Variants in FREM2 observed in about 807,000 individuals in gnomAD.
FREM2 encodes the protein FRAS1 related extracellular matrix 2, also known as FRAS1-related extracellular matrix protein 2.
FREM2 carries 119 observed loss-of-function variants against 219.9 expected under a neutral mutation model. The observed-to-expected ratio is 0.54, with a 90% confidence interval of 0.47 to 0.63. The LOEUF (loss-of-function observed/expected upper bound fraction) is 0.63. Among genes scored for constraint, FREM2 ranks in the 30% least tolerant of loss-of-function variants. FREM2 has a pLI of 0.00. For missense variants in FREM2, 4,030 were observed against 3,993.6 expected, an observed-to-expected ratio of 1.01 and a Z score of -0.25; for synonymous variants, 1,562 against 1,522.8, an observed-to-expected ratio of 1.03 and a Z score of -0.60.
intron 6 of FREM2, among the ~76,000 whole-genome samples, chr13:38,786,070 A>G (rs1874316753): frequency 6.6e-6 from 1 of 152,216 alleles, no homozygotes; most frequent in African/African-American, 2.4e-5. Context: ...GGGAATTATC[A>G]ACATCCTTGT....
At chr13:38,768,341 A>G (rs1873523266) in intron 3 of FREM2, among the ~76,000 whole-genome samples, 1 of 152,122 alleles carries the variant, frequency 6.6e-6, no homozygotes, top group African/African-American at 2.4e-5. Context: ...GCACAGTGGC[A>G]TAATCACAAC....
At chr13:38,830,610 T>C (rs1876469243) in intron 6 of FREM2, among the ~76,000 whole-genome samples, 2 of 152,100 alleles carry the variant, frequency 1.3e-5, no homozygotes, top group South Asian at 4.1e-4. Context: ...TGCAAGAACT[T>C]GCAAAACCTG....
Position 38,784,706 on chromosome 13 carries a change from G to T in FREM2, c.5917G>T (p.Glu1973Ter), listed in dbSNP as rs747561441. The T allele has an allele frequency of 6.2e-7, 1 of 1,614,162 alleles. No individual in the cohort carries two copies. Among genetic ancestry groups the T allele is most frequent in the Non-Finnish European group, 8.5e-7 (1 of 1,180,006 alleles). Residue 1973 changes from glutamate to a stop codon, truncating the protein, a stop_gained, in exon 6 of 24, where the codon GAG becomes TAG. Coordinates refer to ENST00000280481, the MANE Select transcript of FREM2 (RefSeq NM_207361.6). LOFTEE classifies it high-confidence loss of function. ...CATAATTGATGACTCTTTGTACGAG[G>T]AGGAGGAAACCTTCCATGTCCTTCT... ...IVIIDDSLYE[E>*]EETFHVLLSM...
chr13:38,788,445 A>G (rs1874421326), intron 6 of FREM2, among the ~76,000 whole-genome samples: 1 of 152,148 alleles, frequency 6.6e-6, no homozygotes, highest in Admixed American at 6.6e-5. Flanking sequence ...TGAGTCTTTC[A>G]GAGACCACCT....
chr13:38,784,532 T>C (rs1874246608), intron 5 of FREM2, 25 bp from the exon 6 acceptor site: 1 of 1,613,364 alleles, frequency 6.2e-7, no homozygotes, highest in Admixed American at 1.7e-5. Context: ...TACATAAAAA[T>C]CTTTTGAATT....
intron 2 of FREM2, among the ~76,000 whole-genome samples, chr13:38,717,081 G>T (rs1301980979): frequency 6.6e-6 from 1 of 152,184 alleles, no homozygotes; most frequent in African/African-American, 2.4e-5. Context: ...TGAGTGAGCT[G>T]TCATGTGATA....
intron 15 of FREM2, among the ~76,000 whole-genome samples, chr13:38,861,854 A>G (rs1025047073): frequency 2.0e-5 from 3 of 152,270 alleles, no homozygotes; most frequent in Non-Finnish European, 4.4e-5. Flanking sequence ...TGCATCTTCA[A>G]TCGTAAACTT....
At chr13:38,750,891 G>T (rs2496392) in intron 2 of FREM2, among the ~76,000 whole-genome samples, 4 of 152,110 alleles carry the variant, frequency 2.6e-5, no homozygotes, top group African/African-American at 9.6e-5. Flanking sequence ...ATGGGATTTT[G>T]CCATATTGGC....
rs1007552184 is a variant in FREM2 at position 38,884,619 on chromosome 13, A to G, written c.*3832A>G. On this transcript the variant is annotated 3_prime_UTR_variant, in exon 24 of 24. Transcript: ENST00000280481. ...CATTCTTTGAAACTCATGTTTCTAG[A>G]CATGACAGCAGTAATAAAAGGATGA... 3 of 152,228 alleles carry G rather than the reference A, an allele frequency of 2.0e-5. No individual in the cohort carries two copies. The South Asian group carries it at 6.2e-4, about 32-fold the overall frequency. 9.4% of individuals were successfully genotyped at this position (152,228 alleles called of 1,614,324 possible).
intron 2 of FREM2, among the ~76,000 whole-genome samples, chr13:38,738,744 G>T (rs1470358674): frequency 1.3e-5 from 2 of 152,040 alleles, no homozygotes; most frequent in Non-Finnish European, 2.9e-5. Flanking sequence ...TATGAGACCA[G>T]CCTATCTCTG....
intron 6 of FREM2, among the ~76,000 whole-genome samples, chr13:38,800,431 A>T (rs921759086): frequency 6.6e-6 from 1 of 152,038 alleles, no homozygotes; most frequent in Non-Finnish European, 1.5e-5. Context: ...TGTTGGTCTG[A>T]TGGGAGTTCC....
At chr13:38,835,563 C>A (rs1876676014) in intron 6 of FREM2, among the ~76,000 whole-genome samples, 2 of 152,206 alleles carry the variant, frequency 1.3e-5, no homozygotes, top group Admixed American at 1.3e-4. Context: ...GATATTGATT[C>A]TTCCTATCCA....
chr13:38,830,257 A>C (rs896005895), intron 6 of FREM2, among the ~76,000 whole-genome samples: 21 of 152,184 alleles, frequency 1.4e-4, no homozygotes, highest in African/African-American at 5.1e-4. Flanking sequence ...AATATCCTTC[A>C]AAATTAAAAA....
intron 4 of FREM2, among the ~76,000 whole-genome samples, chr13:38,776,610 T>C (rs1209677020): frequency 6.6e-6 from 1 of 152,192 alleles, no homozygotes; most frequent in African/African-American, 2.4e-5. Context: ...CACTTTACTC[T>C]TTCTTTCAAA....
At chr13:38,717,351 C>T (rs187382453) in intron 2 of FREM2, among the ~76,000 whole-genome samples, 4 of 149,036 alleles carry the variant, frequency 2.7e-5, no homozygotes, top group African/African-American at 2.5e-5. Flanking sequence ...CCAAGATATG[C>T]AGTAAAGGTT....
chr13:38,751,526 C>A (rs1024649426), intron 2 of FREM2, among the ~76,000 whole-genome samples: 4 of 152,124 alleles, frequency 2.6e-5, no homozygotes, highest in Non-Finnish European at 5.9e-5. Context: ...GGGAGGGGCC[C>A]ATCCTCCATC....
chr13:38,824,980 G>A (rs369520629), intron 6 of FREM2, among the ~76,000 whole-genome samples: 7 of 151,904 alleles, frequency 4.6e-5, no homozygotes, highest in East Asian at 1.9e-4. Context: ...GGTTGGGGGT[G>A]GAGGGGGGCG....
rs776150113 is a variant in FREM2, at chr13:38,697,736, G to A, written c.5212G>A (p.Glu1738Lys). The A allele has an allele frequency of 1.2e-6, 2 of 1,610,314 alleles. No individual in the cohort carries two copies. Among genetic ancestry groups the A allele is most frequent in the South Asian group, 2.2e-5 (2 of 91,006 alleles). Residue 1738 changes from glutamate (E) to lysine (K), a missense_variant, in exon 2 of 24, where the codon GAA becomes AAA. Physicochemically the swap from Glu to Lys is moderately conservative, Grantham distance 56. Around this residue, in one of 2 missense-constraint regions of FREM2, gnomAD observed 3,102 missense variants for 2,950.7 expected, o/e 1.05. Transcript: ENST00000280481. ...DDMKICYVLREGANATSDMFY... is the reference protein window; with the variant it reads ...DDMKICYVLRKGANATSDMFY... Reference sequence around the variant, plus strand: ...CATGAAAATATGCTATGTCTTAAGAGAAGGGGCTAATGCCACAAGTGATAT... The same window carrying A: ...CATGAAAATATGCTATGTCTTAAGAAAAGGGGCTAATGCCACAAGTGATAT...
At chr13:38,876,951 A>G (rs1297527006) in intron 20 of FREM2, among the ~76,000 whole-genome samples, 166 bp from the exon 21 acceptor site, 1 of 152,216 alleles carries the variant, frequency 6.6e-6, no homozygotes, top group African/African-American at 2.4e-5. Flanking sequence ...CTTCTCAAGG[A>G]CAAAAGCAAT....
Sources: gnomAD v4.1 joint callset for allele counts (sites outside exome capture counted in the v4.1 genomes callset) on GRCh38, gnomAD v4.1.1 for gene constraint, gnomAD v4.1.1 regional missense constraint, MANE v1.5 for transcripts, NCBI Gene and HGNC (gene_info 2026-07-23, HGNC 2026-07-21) for gene names.